The following FAM222A variants were observed in gnomAD, a reference collection of about 807,000 sequenced individuals.
FAM222A encodes the protein protein FAM222A.
Under a neutral mutation model 25.8 loss-of-function variants are expected in FAM222A, and 7 were observed. The ratio of observed to expected loss-of-function variants is 0.27; its 90% CI spans 0.15 to 0.51. The LOEUF (loss-of-function observed/expected upper bound fraction) is 0.51, where lower values mean the gene tolerates loss of function less well. FAM222A is among the 20% of genes least tolerant of loss of function. The pLI is 0.97. For synonymous variants in FAM222A, 294 were observed against 298.8 expected (o/e 0.98, Z 0.17); for missense variants, 573 against 640.5 (o/e 0.89, Z 1.14).
chr12:109,747,000 G>A (rs1382744924), intron 2 of FAM222A, among the ~76,000 whole-genome samples: 2 of 152,158 alleles, frequency 1.3e-5, no homozygotes, highest in Admixed American at 6.5e-5. Flanking sequence ...AATCTGAAAT[G>A]CTCCAATGAG....
chr12:109,739,024 C>G (rs774677916), intron 1 of FAM222A, among the ~76,000 whole-genome samples: 4 of 152,232 alleles, frequency 2.6e-5, no homozygotes, highest in African/African-American at 4.8e-5. Context: ...AAGGGCCTGG[C>G]ATGACCTTCC....
At chr12:109,760,326 A>C (rs1179945926) in intron 2 of FAM222A, among the ~76,000 whole-genome samples, 1 of 152,024 alleles carries the variant, frequency 6.6e-6, no homozygotes, top group African/African-American at 2.4e-5. Flanking sequence ...CTTCAGTTAG[A>C]CCCTAAAGGA....
At chr12:109,734,950 G>A (rs1236369566) in intron 1 of FAM222A, 1 of 152,374 alleles carries the variant, frequency 6.6e-6, no homozygotes, top group Non-Finnish European at 1.5e-5. Context: ...CAAACATTGA[G>A]AGAGCTTATG....
Position 109,770,113 on chromosome 12 carries a change from A to T in FAM222A, c.*825A>T, listed in dbSNP as rs1889201474. The T allele has an allele frequency of 6.6e-6, 1 of 152,318 alleles. No homozygotes were observed. The highest frequency in any genetic ancestry group is 1.5e-5 in the Non-Finnish European group (1 of 68,050). The allele number at this position is 152,318 out of a possible 1,614,324, so 9.4% of individuals were successfully genotyped here. On this transcript the variant is annotated 3_prime_UTR_variant, in exon 3 of 3. Transcript: ENST00000538780. ...GTCATTTTCCTGTTCGCACAAAGGC[A>T]CCACAGGGGCTAACAGTGGGCCTGC...
rs760757154 is a variant in FAM222A at position 109,769,076 on chromosome 12, C to T, written c.1147C>T (p.Pro383Ser). 7 of 1,602,012 alleles carry T rather than the reference C, an allele frequency of 4.4e-6. No homozygotes were observed. The highest frequency in any genetic ancestry group is 6.0e-6 in the Non-Finnish European group (7 of 1,175,244). Residue 383 changes from proline to serine, a missense_variant, in exon 3 of 3, where the codon CCC becomes TCC. This residue lies in a region of FAM222A where 412 missense variants were observed against 407.0 expected (regional missense o/e 1.01). Transcript: ENST00000538780. ...GPGAARELAG[P>S]PADALSGLPS... ...GGGGGCAGCCCGGGAGCTGGCTGGG[C>T]CCCCTGCAGATGCCCTCTCGGGCCT...
At chr12:109,732,652 T>A (rs183514086) in intron 1 of FAM222A, among the ~76,000 whole-genome samples, 3 of 151,470 alleles carry the variant, frequency 2.0e-5, no homozygotes, top group African/African-American at 7.3e-5. Flanking sequence ...AGGACGCCCA[T>A]CCTCTGGGCC....
chr12:109,768,912 C>T lies in FAM222A; in HGVS notation c.983C>T (p.Pro328Leu), dbSNP rs1416343188. The T allele has an allele frequency of 7.0e-6, 11 of 1,582,380 alleles. No individual in the cohort carries two copies. The highest frequency in any genetic ancestry group is 9.4e-6 in the Non-Finnish European group (11 of 1,171,886). ...GCATACGAGCGGGCCAGCGGGTCAC[C>T]CCTCAACTGTGGCGTGGGGCTGCCC... is the stretch of plus-strand genomic sequence containing the variant. ...GRAYERASGS[P>L]LNCGVGLPTS... The change falls in exon 3 of 3, where the codon CCC (proline) becomes CTC (leucine). Residue 328 changes from proline to leucine, a missense_variant. This residue lies in a region of FAM222A where 412 missense variants were observed against 407.0 expected (regional missense o/e 1.01). Transcript: ENST00000538780.
chr12:109,742,860 A>G (rs1035757539), intron 1 of FAM222A, among the ~76,000 whole-genome samples: 5 of 152,174 alleles, frequency 3.3e-5, no homozygotes, highest in Admixed American at 1.3e-4. Flanking sequence ...TGAAATTAGT[A>G]TCTTAAGAAA....
intron 2 of FAM222A, among the ~76,000 whole-genome samples, chr12:109,757,434 C>G (rs1040244909): frequency 3.3e-5 from 5 of 152,152 alleles, no homozygotes; most frequent in African/African-American, 1.2e-4. Context: ...TTGCAGATCA[C>G]TGGGGAGACA....
At chr12:109,747,109 T>G (rs1453728551) in intron 2 of FAM222A, among the ~76,000 whole-genome samples, 1 of 152,240 alleles carries the variant, frequency 6.6e-6, no homozygotes, top group Non-Finnish European at 1.5e-5. Context: ...ACTTTTTCTT[T>G]TTTTGTGACA....
intron 1 of FAM222A, among the ~76,000 whole-genome samples, chr12:109,730,837 G>A (rs1195615108): frequency 1.3e-5 from 2 of 152,128 alleles, no homozygotes; most frequent in Non-Finnish European, 2.9e-5. Context: ...TAGGTCCTGG[G>A]GTTCAAGGAT....
chr12:109,745,490 G>A (rs1310613246), intron 2 of FAM222A, among the ~76,000 whole-genome samples: 1 of 152,222 alleles, frequency 6.6e-6, no homozygotes, highest in East Asian at 1.9e-4. Flanking sequence ...TCAAACGGAT[G>A]TGTGTTTGGC....
chr12:109,756,797 T>C (rs1245532036), intron 2 of FAM222A, among the ~76,000 whole-genome samples: 1 of 152,210 alleles, frequency 6.6e-6, no homozygotes, highest in Non-Finnish European at 1.5e-5. Context: ...GGCTATATGG[T>C]CCATAGTTTT....
chr12:109,741,472 G>C (rs957261925), intron 1 of FAM222A, among the ~76,000 whole-genome samples: 11 of 152,178 alleles, frequency 7.2e-5, no homozygotes, highest in South Asian at 4.1e-4. Context: ...CTGACAACTA[G>C]AGCCCTGCTG....
intron 2 of FAM222A, among the ~76,000 whole-genome samples, chr12:109,766,801 C>T (rs964212586): frequency 2.6e-5 from 4 of 152,094 alleles, no homozygotes; most frequent in South Asian, 2.1e-4. Flanking sequence ...CTCCCGAAGC[C>T]GGGCAGGGGC....
At chr12:109,748,946 A>T (rs886561239) in intron 2 of FAM222A, among the ~76,000 whole-genome samples, 10 of 151,974 alleles carry the variant, frequency 6.6e-5, no homozygotes, top group Admixed American at 2.6e-4. Context: ...ATCTTTTTTT[A>T]AAAAAGGAGA....
rs1301725150 is a variant in FAM222A, at chr12:109,769,261, C to G, written c.1332C>G (p.Ala444=). ...CCCGGCTACTCGACCACCAGCATGC[C>G]CACATCCGCCTACCCGTCTACAGAT... ...AVPRLLDHQH[A]HIRLPVYR is the part of the protein sequence containing the mutation. The change falls in exon 3 of 3, where the codon GCC becomes GCG. Residue 444 remains alanine, a synonymous_variant. Coordinates refer to ENST00000538780, the MANE Select transcript of FAM222A (RefSeq NM_032829.3). The G allele has an allele frequency of 1.2e-6, 2 of 1,610,938 alleles. No individual in the cohort carries two copies. The highest frequency in any genetic ancestry group is 1.7e-6 in the Non-Finnish European group (2 of 1,179,326).
At chr12:109,738,411 T>A (rs1238395295) in intron 1 of FAM222A, among the ~76,000 whole-genome samples, 4 of 152,164 alleles carry the variant, frequency 2.6e-5, no homozygotes, top group Non-Finnish European at 4.4e-5. Flanking sequence ...CACCACCATT[T>A]CAGGCTCCTA....
intron 1 of FAM222A, among the ~76,000 whole-genome samples, chr12:109,719,891 C>T (rs1463970102): frequency 1.3e-5 from 2 of 152,160 alleles, no homozygotes; most frequent in Non-Finnish European, 2.9e-5. Context: ...TAGAGGCCAA[C>T]AGAGAGCTTG....
Sources: allele counts gnomAD v4.1 joint callset (sites outside exome capture counted in the v4.1 genomes callset), GRCh38; gene constraint gnomAD v4.1.1; regional missense constraint gnomAD v4.1.1; transcripts MANE v1.5; gene names NCBI Gene and HGNC (gene_info 2026-07-23, HGNC 2026-07-21).